The following ANO4 variants were observed in gnomAD, a reference collection of about 807,000 sequenced individuals.
ANO4 encodes the protein anoctamin 4.
In ANO4, 69 loss-of-function variants were observed where a neutral mutation model predicts 141.9. That is an observed-to-expected ratio of 0.49 (90% CI 0.40 to 0.59). The LOEUF (loss-of-function observed/expected upper bound fraction) is 0.59. ANO4 is among the 20% of genes least tolerant of loss of function. ANO4 has a pLI of 0.00. For missense variants in ANO4, 894 were observed against 1,162.2 expected (o/e 0.77, Z 3.36); for synonymous variants, 350 against 394.3 (o/e 0.89, Z 1.33).
At chr12:100,995,972 A>C (rs2045350573) in intron 8 of ANO4, among the ~76,000 whole-genome samples, 1 of 152,258 alleles carries the variant, frequency 6.6e-6, no homozygotes, top group African/African-American at 2.4e-5. Context: ...TAGAATATTT[A>C]GAAGAGAAGT....
intron 2 of ANO4, 75 bp from the exon 3 acceptor site, chr12:100,922,151 G>A: frequency 9.4e-7 from 1 of 1,064,912 alleles, no homozygotes; most frequent in Non-Finnish European, 1.3e-6. Flanking sequence ...TTTTGACATA[G>A]CTTCTCCTTG....
At chr12:101,055,333 GC>G (rs2048069420) in intron 14 of ANO4, among the ~76,000 whole-genome samples, 2 of 152,192 alleles carry the variant, frequency 1.3e-5, no homozygotes, top group African/African-American at 4.8e-5. Context: ...ATTCTCACAA[GC>G]ACTTGGAATT....
intron 14 of ANO4, among the ~76,000 whole-genome samples, chr12:101,076,500 T>C (rs2049029867): frequency 6.6e-6 from 1 of 152,222 alleles, no homozygotes; most frequent in Non-Finnish European, 1.5e-5. Context: ...TTAGAATCTC[T>C]GTTTCCTCCA....
chr12:100,757,057 T>A (rs563374880), intron 3 of ANO4, among the ~76,000 whole-genome samples: 7 of 152,268 alleles, frequency 4.6e-5, no homozygotes, highest in South Asian at 2.1e-4. Flanking sequence ...CTGGAAAATG[T>A]GGAACTGTTA....
intron 17 of ANO4, among the ~76,000 whole-genome samples, chr12:101,089,011 C>T (rs1012442385): frequency 6.6e-6 from 1 of 152,172 alleles, no homozygotes; most frequent in Non-Finnish European, 1.5e-5. Flanking sequence ...TATAGTTCCC[C>T]TATCCTTATT....
intron 24 of ANO4, among the ~76,000 whole-genome samples, chr12:101,115,154 G>C (rs958479208): frequency 1.3e-5 from 2 of 152,132 alleles, no homozygotes; most frequent in Non-Finnish European, 2.9e-5. Flanking sequence ...CCCCCTGCTA[G>C]ATGCAAGAAA....
rs546696885 is a variant in ANO4, at chr12:101,051,503, T to G, written c.1312+3102T>G. Among the ~76,000 whole-genome samples, 4 of 152,310 alleles carry G rather than the reference T, an allele frequency of 2.6e-5. No individual in the cohort carries two copies. The East Asian group carries it at 7.7e-4, about 29-fold the overall frequency. ...TGCTAGTTTGAGAAAAAGAATGAGTTGCCCCAAGTGTTTCTTTGTAGATAG... is the reference window on the plus strand; with the variant it reads ...TGCTAGTTTGAGAAAAAGAATGAGTGGCCCCAAGTGTTTCTTTGTAGATAG... On this transcript the variant is annotated intron_variant, in intron 14 of 27. Transcript: ENST00000392977.
chr12:100,977,705 C>G (rs1255868277), intron 7 of ANO4, among the ~76,000 whole-genome samples: 1 of 152,172 alleles, frequency 6.6e-6, no homozygotes, highest in African/African-American at 2.4e-5. Context: ...GTTTATCTTC[C>G]TGCCTCCTTT....
At chr12:100,923,066 T>A (rs530949797) in intron 3 of ANO4, among the ~76,000 whole-genome samples, 2 of 152,258 alleles carry the variant, frequency 1.3e-5, no homozygotes, top group South Asian at 4.1e-4. Flanking sequence ...GGGATTTTGA[T>A]GTGAAGAACA....
chr12:101,018,851 A>G (rs1318179082), intron 8 of ANO4, among the ~76,000 whole-genome samples: 1 of 152,146 alleles, frequency 6.6e-6, no homozygotes, highest in Admixed American at 6.5e-5. Context: ...TTGCTTCCCC[A>G]CTATACTGTA....
At chr12:101,028,997 A>G (rs1328047022) in intron 9 of ANO4, among the ~76,000 whole-genome samples, 3 of 152,234 alleles carry the variant, frequency 2.0e-5, no homozygotes, top group East Asian at 1.9e-4. Context: ...CAGAAACTCC[A>G]CAAGTCAGAA....
intron 1 of ANO4, among the ~76,000 whole-genome samples, chr12:100,814,791 T>C (rs768824437): frequency 6.6e-6 from 1 of 152,104 alleles, no homozygotes; most frequent in Non-Finnish European, 1.5e-5. Flanking sequence ...GGGTACTCCA[T>C]CTTCACTTCA....
At chr12:101,094,647 A>G (rs532599155) in intron 18 of ANO4, among the ~76,000 whole-genome samples, 2 of 152,174 alleles carry the variant, frequency 1.3e-5, no homozygotes, top group African/African-American at 4.8e-5. Context: ...TTAAAAATGT[A>G]TCAAGTTTTT....
At chr12:100,928,168 T>C (rs1252511828) in intron 3 of ANO4, among the ~76,000 whole-genome samples, 3 of 112,418 alleles carry the variant, frequency 2.7e-5, no homozygotes, top group Admixed American at 1.0e-4. Context: ...GTATGGGGTA[T>C]GGGGGTGAGC....
At chr12:100,959,779 T>C (rs1324000777) in intron 5 of ANO4, among the ~76,000 whole-genome samples, 1 of 152,166 alleles carries the variant, frequency 6.6e-6, no homozygotes, top group Non-Finnish European at 1.5e-5. Context: ...TCTCTTCTGT[T>C]TGATCTTCAA....
chr12:100,880,147 C>A, intron 1 of ANO4, among the ~76,000 whole-genome samples: 1 of 152,076 alleles, frequency 6.6e-6, no homozygotes, highest in African/African-American at 2.4e-5. Flanking sequence ...GAGGTATGGA[C>A]AGAATTGAGA....
At chr12:100,792,150 G>A (rs1307528914), upstream of ANO4, among the ~76,000 whole-genome samples, 1 of 151,868 alleles carries the variant, frequency 6.6e-6, no homozygotes, top group African/African-American at 2.4e-5. Flanking sequence ...CACTTCCCAT[G>A]AACTGTGTCT....
At chr12:100,936,963 A>C (rs1299206145) in intron 3 of ANO4, among the ~76,000 whole-genome samples, 1 of 152,218 alleles carries the variant, frequency 6.6e-6, no homozygotes, top group Non-Finnish European at 1.5e-5. Flanking sequence ...GACTTGGTTA[A>C]ACGATACTTT....
intron 1 of ANO4, among the ~76,000 whole-genome samples, chr12:100,800,628 T>C (rs879767177): frequency 6.6e-6 from 1 of 152,250 alleles, no homozygotes; most frequent in Non-Finnish European, 1.5e-5. Context: ...GCTAAACTTA[T>C]TTGCACTATT....
Sources: gnomAD v4.1 joint callset for allele counts (sites outside exome capture counted in the v4.1 genomes callset) on GRCh38, gnomAD v4.1.1 for gene constraint, MANE v1.5 for transcripts, NCBI Gene and HGNC (gene_info 2026-07-23, HGNC 2026-07-21) for gene names.